The following DMXL1 variants were observed in gnomAD, a reference collection of about 807,000 sequenced individuals.
DMXL1 encodes Dmx like 1.
In DMXL1, 99 loss-of-function variants were observed where a neutral mutation model predicts 319.2. That is an observed-to-expected ratio of 0.31 (90% CI 0.26 to 0.37). DMXL1 has a LOEUF of 0.37. Ranked by LOEUF, DMXL1 falls within the 10% of genes least tolerant of loss-of-function variation. The probability of loss-of-function intolerance (pLI) is 1.00; values close to 1 mark genes in which losing one functional copy is unlikely to be tolerated. For synonymous variants in DMXL1, 1,385 were observed against 1,235.2 expected (o/e 1.12, Z -2.54); for missense variants, 3,745 against 3,595.6 (o/e 1.04, Z -1.06).
intron 39 of DMXL1, 148 bp downstream of exon 39, chr5:119,233,615 C>G: frequency 3.5e-6 from 2 of 570,614 alleles, no homozygotes; most frequent in Non-Finnish European, 5.9e-6. Context: ...TCAAAGAACA[C>G]TTAACTTCAC....
Position 119,132,623 on chromosome 5 carries a change from G to T in DMXL1, c.1316-509G>T, listed in dbSNP as rs562453831. On this transcript the variant is annotated intron_variant, in intron 10 of 43. Coordinates refer to ENST00000539542, the MANE Select transcript of DMXL1 (RefSeq NM_001290321.3). Reference sequence around the variant, plus strand: ...ACCCGGGCAGCAGAGGTTGCAGTGAGCTGAGATCACGCCACTGTACTCCAG... The same window carrying T: ...ACCCGGGCAGCAGAGGTTGCAGTGATCTGAGATCACGCCACTGTACTCCAG... 1.7e-3 allele frequency: 585 copies of T among 354,048 alleles called. 2 individuals are homozygous for T. The highest frequency in any genetic ancestry group is 5.3e-3 in the South Asian group (230 of 43,340). The allele number at this position is 354,048 out of a possible 1,614,324, so 21.9% of individuals were successfully genotyped here. A position where few individuals can be genotyped will look rare whatever the true frequency, so the allele number is the denominator to read the frequency against.
chr5:119,139,617 T>G (rs1766832932), intron 13 of DMXL1, among the ~76,000 whole-genome samples: 2 of 152,158 alleles, frequency 1.3e-5, no homozygotes, highest in Admixed American at 1.3e-4. Flanking sequence ...AGCACCCAGA[T>G]TCATAAAACA....
chr5:119,139,923 C>G (rs1766921527), intron 13 of DMXL1, among the ~76,000 whole-genome samples: 1 of 152,192 alleles, frequency 6.6e-6, no homozygotes, highest in African/African-American at 2.4e-5. Flanking sequence ...ACCAAACACA[C>G]TGTTGGACCA....
At chr5:119,169,909 AAG>A (rs1313444175) in intron 23 of DMXL1, among the ~76,000 whole-genome samples, 2 of 152,346 alleles carry the variant, frequency 1.3e-5, no homozygotes, top group African/African-American at 4.8e-5. Flanking sequence ...AAAAAGAACT[AAG>A]AGTCTATAAC....
intron 28 of DMXL1, among the ~76,000 whole-genome samples, chr5:119,184,121 A>T (rs906986973): frequency 4.0e-5 from 6 of 150,614 alleles, no homozygotes; most frequent in African/African-American, 2.5e-5. Context: ...TGGTGTGATC[A>T]CAGCTCATTT....
chr5:119,232,235 A>C (rs1172970130), intron 38 of DMXL1, among the ~76,000 whole-genome samples: 1 of 152,204 alleles, frequency 6.6e-6, no homozygotes, highest in African/African-American at 2.4e-5. Flanking sequence ...AAGCTATGCA[A>C]GCGCATTGGG....
chr5:119,158,754 C>A (rs146902909), intron 19 of DMXL1, among the ~76,000 whole-genome samples: 134 of 152,130 alleles, frequency 8.8e-4, no homozygotes, highest in African/African-American at 3.1e-3. Context: ...ATGGTTTTGT[C>A]CTTAATTTTG....
At chr5:119,080,892 G>A (rs1263621556) in intron 1 of DMXL1, among the ~76,000 whole-genome samples, 1 of 151,982 alleles carries the variant, frequency 6.6e-6, no homozygotes, top group Non-Finnish European at 1.5e-5. Context: ...CATTTCACAA[G>A]CTCTTCAGGA....
chr5:119,085,568 C>T (rs1054679207), intron 1 of DMXL1, among the ~76,000 whole-genome samples: 8 of 151,896 alleles, frequency 5.3e-5, no homozygotes, highest in Non-Finnish European at 1.2e-4. Flanking sequence ...TTTGTTCATC[C>T]GTTCTAACAG....
intron 10 of DMXL1, among the ~76,000 whole-genome samples, chr5:119,130,382 A>G (rs1002858568): frequency 4.0e-5 from 6 of 151,216 alleles, no homozygotes; most frequent in Admixed American, 4.0e-4. Context: ...TTGCTCTGTC[A>G]CCCAGGCTGG....
rs139495158 is a variant in DMXL1 at position 119,098,028 on chromosome 5, G to C, written c.137G>C (p.Arg46Thr). 6 of 1,608,932 alleles carry C rather than the reference G, an allele frequency of 3.7e-6. No individual in the cohort carries two copies. The highest frequency in any genetic ancestry group is 5.1e-6 in the Non-Finnish European group (6 of 1,178,590). The change falls in exon 2 of 44, where the codon AGA becomes ACA. Residue 46 changes from arginine to threonine, a missense_variant. Around this residue, in one of 4 missense-constraint regions of DMXL1, gnomAD observed 2,096 missense variants for 1,985.4 expected, o/e 1.06. Coordinates refer to ENST00000539542, the MANE Select transcript of DMXL1 (RefSeq NM_001290321.3). The stretch of plus-strand genomic sequence containing the variant: ...GTAATACTGGGAAGCGATTTTGAAA[G>C]ATTACAGATAATCCCAGGAGCTAAA... ...DIVILGSDFERLQIIPGAKHG... is the reference protein window; with the variant it reads ...DIVILGSDFETLQIIPGAKHG...
intron 13 of DMXL1, among the ~76,000 whole-genome samples, chr5:119,143,129 G>T (rs1767782597): frequency 6.6e-6 from 1 of 151,950 alleles, no homozygotes; most frequent in Non-Finnish European, 1.5e-5. Context: ...CTCGGGTACT[G>T]GGCTTAGTAC....
intron 32 of DMXL1, among the ~76,000 whole-genome samples, chr5:119,202,883 T>TTATATATATATATATATATA (rs201634842): frequency 2.5e-4 from 18 of 71,496 alleles, no homozygotes; most frequent in Admixed American, 5.4e-4. Flanking sequence ...ATATATATAT[T>TTATATATATATATATATATA]TTTATATATA....
Position 119,247,174 on chromosome 5 carries a change from C to A in DMXL1, c.9102C>A (p.Ser3034Arg). The change falls in exon 44 of 44, where the codon AGC becomes AGA. Residue 3034 changes from serine to arginine, a missense_variant. Physicochemically the swap from Ser to Arg is moderately radical, Grantham distance 110 (BLOSUM62 -1). Around this residue, in one of 4 missense-constraint regions of DMXL1, gnomAD observed 262 missense variants for 320.5 expected, o/e 0.82. Coordinates refer to ENST00000539542, the MANE Select transcript of DMXL1 (RefSeq NM_001290321.3). ...TGAGAATACTGCCAGATCAGTTTAG[C>A]CCTTTAAATGAAGTGTTGAAAAATG... ...MKMRILPDQF[S>R]PLNEVLKNDV... 1 of 1,613,602 alleles carries A rather than the reference C, an allele frequency of 6.2e-7. No homozygotes were observed. The highest frequency in any genetic ancestry group is 8.5e-7 in the Non-Finnish European group (1 of 1,179,810).
Position 119,113,736 on chromosome 5 carries a change from T to C in DMXL1, c.498-739T>C, listed in dbSNP as rs1561613164. 2.6e-5 allele frequency among the ~76,000 whole-genome samples: 4 copies of C among 152,354 alleles called. No individual in the cohort carries two copies. The South Asian group carries it at 6.2e-4, about 24-fold the overall frequency. The stretch of plus-strand genomic sequence containing the variant: ...AATGTAAATGATTTCATTTGGTTTT[T>C]ATCTACCTGTATCAACTTTTCTGTA... On this transcript the variant is annotated intron_variant, in intron 5 of 43. Coordinates refer to ENST00000539542, the MANE Select transcript of DMXL1 (RefSeq NM_001290321.3).
At chr5:119,110,920 C>T (rs1286287331) in intron 5 of DMXL1, among the ~76,000 whole-genome samples, 1 of 152,160 alleles carries the variant, frequency 6.6e-6, no homozygotes, top group African/African-American at 2.4e-5. Context: ...TCCTGAGGCA[C>T]TGGGATTACA....
At chr5:119,081,407 T>C (rs1752165357) in intron 1 of DMXL1, among the ~76,000 whole-genome samples, 1 of 152,196 alleles carries the variant, frequency 6.6e-6, no homozygotes, top group Non-Finnish European at 1.5e-5. Flanking sequence ...TGCGAGGCAT[T>C]GTTTATTGGT....
intron 13 of DMXL1, among the ~76,000 whole-genome samples, chr5:119,136,575 C>T (rs1436808239): frequency 3.9e-5 from 6 of 152,338 alleles, no homozygotes; most frequent in Middle Eastern, 3.4e-3. Context: ...GAGGCCTAAG[C>T]GGGAAAATGG....
intron 1 of DMXL1, among the ~76,000 whole-genome samples, chr5:119,079,412 T>C (rs899677646): frequency 6.6e-6 from 1 of 152,244 alleles, no homozygotes; most frequent in African/African-American, 2.4e-5. Flanking sequence ...TAAAGTTATC[T>C]CTACTTTTTT....
Sources: allele counts gnomAD v4.1 joint callset (sites outside exome capture counted in the v4.1 genomes callset), GRCh38; gene constraint gnomAD v4.1.1; regional missense constraint gnomAD v4.1.1; transcripts MANE v1.5; gene names NCBI Gene and HGNC (gene_info 2026-07-23, HGNC 2026-07-21).